The following DLG1 variants were observed in gnomAD, a reference collection of about 807,000 sequenced individuals.
DLG1 encodes disks large homolog 1.
In DLG1, 42 loss-of-function variants were observed where a neutral mutation model predicts 123.4. That is an observed-to-expected ratio of 0.34 (90% CI 0.27 to 0.44). DLG1 has a LOEUF of 0.44. Ranked by LOEUF, DLG1 falls within the 20% of genes least tolerant of loss-of-function variation. The probability of loss-of-function intolerance (pLI) is 1.00; values close to 1 mark genes in which losing one functional copy is unlikely to be tolerated. For missense variants in DLG1, 942 were observed against 1,082.6 expected, an observed-to-expected ratio of 0.87 and a Z score of 1.82; for synonymous variants, 317 against 356.2, an observed-to-expected ratio of 0.89 and a Z score of 1.24.
chr3:197,051,654 C>T lies in DLG1; in HGVS notation c.2498G>A (p.Arg833His), dbSNP rs779555154. The stretch of plus-strand genomic sequence containing the variant: ...TTTTCTGGCTTGTTCTTCTGTTAGA[C>T]GCTTATTCATTTCCCTACGAAAATA... ...SMENIMEMNK[R>H]LTEEQARKTF... The change falls in exon 24 of 25, where the codon CGT becomes CAT. Residue 833 changes from arginine to histidine, a missense_variant. Coordinates refer to ENST00000667157, the MANE Select transcript of DLG1 (RefSeq NM_001366207.1). 1.9e-5 allele frequency: 31 copies of T among 1,612,622 alleles called. No individual in the cohort carries two copies. Among genetic ancestry groups the T allele is most frequent in the Middle Eastern group, 1.6e-4 (1 of 6,080 alleles).
chr3:197,294,076 C>G (rs1776215300), intron 3 of DLG1: 1 of 152,160 alleles, frequency 6.6e-6, no homozygotes, highest in Non-Finnish European at 1.5e-5. Flanking sequence ...AAAATCTTAT[C>G]AGACTAAACA....
intron 16 of DLG1, among the ~76,000 whole-genome samples, chr3:197,083,567 T>C (rs1446619340): frequency 6.6e-6 from 1 of 152,124 alleles, no homozygotes; most frequent in East Asian, 1.9e-4. Flanking sequence ...TCACAGGCCT[T>C]AGAAGAGGTC....
At chr3:197,298,025 G>A (rs1263853490) in intron 1 of DLG1, 5 of 745,588 alleles carry the variant, frequency 6.7e-6, no homozygotes, top group African/African-American at 1.9e-5. Context: ...GCGGCCCCCC[G>A]GCCCGCTCGC....
At chr3:197,063,133 TAGTTA>T (rs1335699212) in intron 22 of DLG1, among the ~76,000 whole-genome samples, 1 of 151,656 alleles carries the variant, frequency 6.6e-6, no homozygotes, top group Non-Finnish European at 1.5e-5. Context: ...CTCTTCAATG[TAGTTA>T]AGTTATTCAT....
Position 197,051,571 on chromosome 3 carries a change from T to C in DLG1, c.2575+6A>G. ...TTAAAGAGGACTGTTACAACACGGT[T>C]CCAACCTGTGAAATGTTCAGTAAAC... On this transcript the variant is annotated splice_donor_region_variant and intron_variant, in intron 24 of 24. Coordinates refer to ENST00000667157, the MANE Select transcript of DLG1 (RefSeq NM_001366207.1). The C allele has an allele frequency of 6.2e-7, 1 of 1,612,132 alleles. No homozygotes were observed. The highest frequency in any genetic ancestry group is 1.3e-5 in the African/African-American group (1 of 75,004).
At chr3:197,102,815 GCCACTGCACT>G (rs1421940586) in intron 14 of DLG1, among the ~76,000 whole-genome samples, 8 of 152,182 alleles carry the variant, frequency 5.3e-5, no homozygotes, top group African/African-American at 1.4e-4. Flanking sequence ...CCGAGATTGT[GCCACTGCACT>G]CCAGCCTGGG....
chr3:197,160,044 A>G (rs549425879), intron 5 of DLG1, among the ~76,000 whole-genome samples: 6 of 152,334 alleles, frequency 3.9e-5, no homozygotes, highest in African/African-American at 1.4e-4. Context: ...GTTACAGATG[A>G]GTAAATGGAA....
chr3:197,076,628 T>C lies in DLG1; in HGVS notation c.1963A>G (p.Lys655Glu), dbSNP rs201991412. 5.4e-5 allele frequency: 87 copies of C among 1,612,860 alleles called. No homozygotes were observed. Among genetic ancestry groups the C allele is most frequent in the Admixed American group, 1.0e-4 (6 of 59,976 alleles). Residue 655 changes from lysine to glutamate, a missense_variant, in exon 18 of 25, where the codon AAG (lysine) becomes GAG (glutamate). Coordinates refer to ENST00000667157, the MANE Select transcript of DLG1 (RefSeq NM_001366207.1). ...NLFSRKFPFY[K>E]NKDQSEQETS... The stretch of plus-strand genomic sequence containing the variant: ...TCCTGCTCACTCTGGTCCTTGTTCT[T>C]GTAGAAGGGGAATTTTCGGGAAAAG...
At chr3:197,221,554 A>AT (rs949162722) in intron 4 of DLG1, among the ~76,000 whole-genome samples, 27 of 152,032 alleles carry the variant, frequency 1.8e-4, no homozygotes. Context: ...AAAAAGAAAC[A>AT]TAACAGGAAG....
chr3:197,246,494 G>C (rs944599679), intron 4 of DLG1, among the ~76,000 whole-genome samples: 3 of 152,100 alleles, frequency 2.0e-5, no homozygotes, highest in Non-Finnish European at 4.4e-5. Flanking sequence ...ACCTGAAGGG[G>C]TGTGCTCACC....
intron 23 of DLG1, among the ~76,000 whole-genome samples, chr3:197,052,129 C>T (rs1728239866): frequency 6.6e-6 from 1 of 152,064 alleles, no homozygotes; most frequent in African/African-American, 2.4e-5. Flanking sequence ...ATGTGAGCCA[C>T]CGAGCCCAGC....
At chr3:197,233,048 A>G (rs1744079105) in intron 4 of DLG1, among the ~76,000 whole-genome samples, 1 of 152,232 alleles carries the variant, frequency 6.6e-6, no homozygotes, top group Non-Finnish European at 1.5e-5. Context: ...AGAAGTAATT[A>G]CAAAATATGT....
chr3:197,275,263 T>G (rs1005627301), intron 4 of DLG1, among the ~76,000 whole-genome samples: 3 of 152,018 alleles, frequency 2.0e-5, no homozygotes, highest in African/African-American at 7.2e-5. Flanking sequence ...AAATAACAGA[T>G]TCTGGCTACG....
At chr3:197,191,005 A>T (rs1222598817) in intron 5 of DLG1, among the ~76,000 whole-genome samples, 1 of 151,974 alleles carries the variant, frequency 6.6e-6, no homozygotes, top group African/African-American at 2.4e-5. Context: ...GCGAGACTTC[A>T]ACTCAAACAA....
chr3:197,256,231 G>A (rs140753669), intron 4 of DLG1, among the ~76,000 whole-genome samples: 1 of 152,334 alleles, frequency 6.6e-6, no homozygotes, highest in East Asian at 1.9e-4. Context: ...TAGAGAGTAA[G>A]TATTTTCAGC....
chr3:197,296,277 T>G, intron 3 of DLG1, 69 bp downstream of exon 3: 1 of 1,441,778 alleles, frequency 6.9e-7, no homozygotes, highest in African/African-American at 1.4e-5. Flanking sequence ...TTTCTTAAGT[T>G]TAAAATAAAT....
At chr3:197,236,861 T>C (rs1219678144) in intron 4 of DLG1, among the ~76,000 whole-genome samples, 1 of 152,178 alleles carries the variant, frequency 6.6e-6, no homozygotes, top group Non-Finnish European at 1.5e-5. Flanking sequence ...TCAAAATAAA[T>C]ATATTATTTT....
intron 22 of DLG1, among the ~76,000 whole-genome samples, chr3:197,063,250 C>G (rs1234459765): frequency 1.3e-5 from 2 of 150,084 alleles, no homozygotes; most frequent in Non-Finnish European, 3.0e-5. Flanking sequence ...TATCATTTTG[C>G]TTTTCCCCCA....
At chr3:197,183,704 C>T in intron 5 of DLG1, 1 of 1,550,396 alleles carries the variant, frequency 6.4e-7, no homozygotes, top group Non-Finnish European at 8.7e-7. Context: ...CCTTTTTTGC[C>T]CAGTGTTTCT....
Sources: gnomAD v4.1 joint callset for allele counts (sites outside exome capture counted in the v4.1 genomes callset) on GRCh38, gnomAD v4.1.1 for gene constraint, MANE v1.5 for transcripts, NCBI Gene and HGNC (gene_info 2026-07-23, HGNC 2026-07-21) for gene names.